Variants in MARCHF5 observed in about 807,000 individuals in gnomAD.
MARCHF5 encodes E3 ubiquitin-protein ligase MARCHF5.
A neutral mutation model predicts 36.5 loss-of-function variants in MARCHF5; 5 were observed. The ratio of observed to expected loss-of-function variants is 0.14; its 90% CI spans 0.07 to 0.29. The LOEUF (loss-of-function observed/expected upper bound fraction) is 0.29, where lower values mean the gene tolerates loss of function less well. Among genes scored for constraint, MARCHF5 ranks in the 10% least tolerant of loss-of-function variants. The probability of loss-of-function intolerance (pLI) is 1.00; values close to 1 mark genes in which losing one functional copy is unlikely to be tolerated. For synonymous variants in MARCHF5, 103 were observed against 109.9 expected, an observed-to-expected ratio of 0.94 and a Z score of 0.39; for missense variants, 179 against 336.3, an observed-to-expected ratio of 0.53 and a Z score of 3.66.
intron 3 of MARCHF5, among the ~76,000 whole-genome samples, chr10:92,346,970 C>T (rs1843651649): frequency 6.6e-6 from 1 of 152,084 alleles, no homozygotes; most frequent in Non-Finnish European, 1.5e-5. Context: ...AATTTATTTG[C>T]TAACACTTTG....
chr10:92,351,133 T>C lies in MARCHF5; in HGVS notation c.763T>C (p.Tyr255His). ...FVAIKGAFKV[Y>H]FKQQQYLRQA... ...TGCCATAAAAGGAGCATTTAAAGTT[T>C]ACTTCAAACAGCAGCAATATTTACG... The change falls in exon 6 of 6, where the codon TAC (tyrosine) becomes CAC (histidine). Residue 255 changes from tyrosine (Y) to histidine (H), a missense_variant. By Grantham distance (83) the Tyr-to-His change is moderately conservative. Around this residue, in one of 3 missense-constraint regions of MARCHF5, gnomAD observed 95 missense variants for 139.5 expected, o/e 0.68. Coordinates refer to ENST00000358935, the MANE Select transcript of MARCHF5 (RefSeq NM_017824.5). 1 of 1,613,496 alleles carries C rather than the reference T, an allele frequency of 6.2e-7. No individual in the cohort carries two copies. Among genetic ancestry groups the C allele is most frequent in the Non-Finnish European group, 8.5e-7 (1 of 1,179,684 alleles).
intron 2 of MARCHF5, among the ~76,000 whole-genome samples, chr10:92,336,237 A>G (rs761743002): frequency 2.0e-5 from 3 of 152,180 alleles, no homozygotes; most frequent in African/African-American, 4.8e-5. Context: ...GGGTTTCACC[A>G]TGTTAGCCAT....
chr10:92,348,870 G>A (rs967467155), intron 3 of MARCHF5, among the ~76,000 whole-genome samples: 2 of 152,184 alleles, frequency 1.3e-5, no homozygotes, highest in Admixed American at 6.6e-5. Flanking sequence ...CACTAAGTAA[G>A]GAGAAAGAGC....
chr10:92,320,681 T>A (rs1843279981), intron 2 of MARCHF5, among the ~76,000 whole-genome samples: 1 of 151,966 alleles, frequency 6.6e-6, no homozygotes, highest in Admixed American at 6.5e-5. Flanking sequence ...GGATAAAAAA[T>A]TTTTCGCACA....
At chr10:92,294,411 C>T (rs1029654869) in intron 1 of MARCHF5, among the ~76,000 whole-genome samples, 2 of 151,978 alleles carry the variant, frequency 1.3e-5, no homozygotes, top group East Asian at 1.9e-4. Flanking sequence ...TAATGTAAAC[C>T]AGTTTGGCCA....
At chr10:92,292,817 G>C (rs1842900580) in intron 1 of MARCHF5, among the ~76,000 whole-genome samples, 2 of 152,182 alleles carry the variant, frequency 1.3e-5, no homozygotes, top group Non-Finnish European at 1.5e-5. Flanking sequence ...TCCCAGAACA[G>C]AGCCTGGTAC....
chr10:92,301,942 T>A (rs1440257715), intron 1 of MARCHF5, among the ~76,000 whole-genome samples: 1 of 152,032 alleles, frequency 6.6e-6, no homozygotes, highest in Non-Finnish European at 1.5e-5. Flanking sequence ...ACACCTGCAA[T>A]CCCAGCTACT....
chr10:92,340,619 C>A, intron 2 of MARCHF5, 54 bp from the exon 3 acceptor site: 2 of 1,497,156 alleles, frequency 1.3e-6, no homozygotes, highest in East Asian at 4.7e-5. Context: ...TCAAACAAGT[C>A]ATTTTAAAAG....
At chr10:92,312,506 G>A (rs1322488339) in intron 2 of MARCHF5, among the ~76,000 whole-genome samples, 1 of 152,158 alleles carries the variant, frequency 6.6e-6, no homozygotes, top group Non-Finnish European at 1.5e-5. Context: ...TTTATTGTAA[G>A]ATCAAAGAAG....
chr10:92,346,949 C>A (rs536202154), intron 3 of MARCHF5, among the ~76,000 whole-genome samples: 1 of 152,162 alleles, frequency 6.6e-6, no homozygotes, highest in East Asian at 1.9e-4. Context: ...AGGATTTTTT[C>A]AAATATTCTG....
At position 92,348,201 on chromosome 10, in the gene MARCHF5, A is replaced by T. The variant is rs12774418; in HGVS notation, c.370-1148A>T. On this transcript the variant is annotated intron_variant, in intron 3 of 5. Coordinates refer to ENST00000358935, the MANE Select transcript of MARCHF5 (RefSeq NM_017824.5). ...ATTCCGTCTCAAAAAAAAAAAAAAAATTTTTGGCCAGGCACGGTGGCTCGC... is the reference window on the plus strand; with the variant it reads ...ATTCCGTCTCAAAAAAAAAAAAAAATTTTTTGGCCAGGCACGGTGGCTCGC... Among the ~76,000 whole-genome samples the T allele has an allele frequency of 5.0e-4, 55 of 109,664 alleles. No individual in the cohort carries two copies. The East Asian group carries it at 6.2e-3, about 12-fold the overall frequency. The allele number at this position is 109,664 out of a possible 152,430, so 71.9% of individuals were successfully genotyped here.
intron 1 of MARCHF5, among the ~76,000 whole-genome samples, chr10:92,305,641 A>C (rs1843066444): frequency 6.6e-6 from 1 of 152,206 alleles, no homozygotes; most frequent in African/African-American, 2.4e-5. Context: ...GAGTTCTGAG[A>C]GAGTCAGAGG....
At chr10:92,310,638 A>C (rs1843133869) in intron 1 of MARCHF5, among the ~76,000 whole-genome samples, 1 of 152,140 alleles carries the variant, frequency 6.6e-6, no homozygotes, top group Admixed American at 6.5e-5. Context: ...ACTTTACCGG[A>C]AAGAAAAATG....
chr10:92,347,885 C>CAGAA (rs1843672629), intron 3 of MARCHF5, among the ~76,000 whole-genome samples: 1 of 152,034 alleles, frequency 6.6e-6, no homozygotes, highest in Non-Finnish European at 1.5e-5. Flanking sequence ...CACACACTTT[C>CAGAA]ATAAAACATT....
chr10:92,326,472 C>T (rs927326994), intron 2 of MARCHF5, among the ~76,000 whole-genome samples: 1 of 152,020 alleles, frequency 6.6e-6, no homozygotes, highest in African/African-American at 2.4e-5. Flanking sequence ...CTCAGTGAGT[C>T]AGCTAATAGG....
Position 92,352,487 on chromosome 10 carries a change from A to T in MARCHF5, c.*1280A>T, listed in dbSNP as rs973065251. The T allele has an allele frequency of 6.6e-6, 1 of 152,240 alleles. No individual in the cohort carries two copies. Among genetic ancestry groups the T allele is most frequent in the Non-Finnish European group, 1.5e-5 (1 of 68,036 alleles). 9.4% of individuals were successfully genotyped at this position (152,240 alleles called of 1,614,324 possible). ...CCATTTTCAATAGATTGGCCATTTT[A>T]ATGTTCAGCAACCTGAATGGTTATT... On this transcript the variant is annotated 3_prime_UTR_variant, in exon 6 of 6. Coordinates refer to ENST00000358935, the MANE Select transcript of MARCHF5 (RefSeq NM_017824.5).
chr10:92,291,579 C>T (rs2135166145), intron 1 of MARCHF5, 50 bp downstream of exon 1: 2 of 1,485,854 alleles, frequency 1.3e-6, no homozygotes, highest in Non-Finnish European at 1.8e-6. Context: ...TCGCTCTGGC[C>T]CTGCCCGCGC....
In MARCHF5 at chr10:92,351,310, G is replaced by C; in HGVS notation, c.*103G>C. 1.5e-6 allele frequency: 1 copy of C among 684,552 alleles called. No individual in the cohort carries two copies. Among genetic ancestry groups the C allele is most frequent in the Non-Finnish European group, 2.5e-6 (1 of 397,478 alleles). 42.4% of individuals were successfully genotyped at this position (684,552 alleles called of 1,614,324 possible). The stretch of plus-strand genomic sequence containing the variant: ...TTGTGGAGACTTGTGATAAGCTGCT[G>C]CTCCTATATTTTTTAAGAAATATAA... On this transcript the variant is annotated 3_prime_UTR_variant, in exon 6 of 6. Transcript: ENST00000358935.
intron 1 of MARCHF5, among the ~76,000 whole-genome samples, chr10:92,304,817 T>C (rs113286580): frequency 1.3e-5 from 2 of 152,314 alleles, no homozygotes; most frequent in African/African-American, 4.8e-5. Context: ...AAGTTTTTCA[T>C]GGACCCCAGA....
Sources: gnomAD v4.1 joint callset for allele counts (sites outside exome capture counted in the v4.1 genomes callset) on GRCh38, gnomAD v4.1.1 for gene constraint, gnomAD v4.1.1 regional missense constraint, MANE v1.5 for transcripts, NCBI Gene and HGNC (gene_info 2026-07-23, HGNC 2026-07-21) for gene names.